SERPINB13: variants seen among roughly 807,000 people sequenced by gnomAD.
The protein encoded by SERPINB13 is serpin family B member 13.
Under a neutral mutation model 31.2 loss-of-function variants are expected in SERPINB13, and 26 were observed. The observed-to-expected ratio is 0.83, with a 90% confidence interval of 0.61 to 1.15. The LOEUF is 1.15. Among genes scored for constraint, SERPINB13 ranks in the 50% most tolerant of loss-of-function variants. The pLI, the probability that SERPINB13 is intolerant of heterozygous loss-of-function variation, is 0.00. For missense variants in SERPINB13, 510 were observed against 469.4 expected, an observed-to-expected ratio of 1.09 and a Z score of -0.80; for synonymous variants, 191 against 172.4, an observed-to-expected ratio of 1.11 and a Z score of -0.85.
intron 3 of SERPINB13, among the ~76,000 whole-genome samples, chr18:63,590,354 C>T (rs556652251): frequency 2.6e-5 from 4 of 152,154 alleles, no homozygotes; most frequent in African/African-American, 4.8e-5. Flanking sequence ...TAGGATCAGA[C>T]GTTAGCACTC....
At position 63,589,723 on chromosome 18, in the gene SERPINB13, T is replaced by C; in HGVS notation, c.225+8T>C. 1 of 1,613,546 alleles carries C rather than the reference T, an allele frequency of 6.2e-7. No homozygotes were observed. Among genetic ancestry groups the C allele is most frequent in the Non-Finnish European group, 8.5e-7 (1 of 1,179,572 alleles). On this transcript the variant is annotated splice_region_variant and intron_variant, in intron 3 of 7. Transcript: ENST00000344731. The stretch of plus-strand genomic sequence containing the variant: ...GCTGAAGAAAAAGAGGTGGTAAGAA[T>C]AAAGGCTGAAGGAAAAGAGGTGGGG...
At chr18:63,596,382 T>C (rs1009064165) in intron 7 of SERPINB13, among the ~76,000 whole-genome samples, 20 of 152,330 alleles carry the variant, frequency 1.3e-4, no homozygotes, top group Middle Eastern at 3.4e-3. Flanking sequence ...AATCAGTTAT[T>C]TCGGTATTAA....
chr18:63,595,491 C>A (rs1023121873), intron 7 of SERPINB13, among the ~76,000 whole-genome samples: 1 of 152,208 alleles, frequency 6.6e-6, no homozygotes, highest in Admixed American at 6.5e-5. Context: ...AAAGAAATCA[C>A]ATATGCATAT....
chr18:63,589,496 A>G (rs978447337), intron 2 of SERPINB13, among the ~76,000 whole-genome samples, 160 bp from the exon 3 acceptor site: 3 of 142,224 alleles, frequency 2.1e-5, no homozygotes, highest in African/African-American at 8.7e-5. Context: ...CACACGAAAA[A>G]TCAGAGGTAA....
At position 63,589,995 on chromosome 18, in the gene SERPINB13, TA is replaced by T. The variant is rs1000999920; in HGVS notation, c.225+281del. The T allele has an allele frequency of 2.6e-5, 11 of 421,406 alleles. 1 individual carries two copies. The highest frequency in any genetic ancestry group is 4.1e-5 in the African/African-American group (2 of 49,054). 26.1% of individuals were successfully genotyped at this position (421,406 alleles called of 1,614,324 possible). On this transcript the variant is annotated intron_variant, in intron 3 of 7. Transcript: ENST00000344731. ...AGGCTAATAGACAGAAAAGTTCCCATAGCAGAGTGGATGGGTTTTGGAGTTA... is the reference window on the plus strand; with the variant it reads ...AGGCTAATAGACAGAAAAGTTCCCATGCAGAGTGGATGGGTTTTGGAGTTA...
At chr18:63,589,171 G>T (rs893161840) in intron 2 of SERPINB13, among the ~76,000 whole-genome samples, 1 of 152,106 alleles carries the variant, frequency 6.6e-6, no homozygotes, top group Non-Finnish European at 1.5e-5. Flanking sequence ...GCCAATACGA[G>T]TTCCTTAGAA....
chr18:63,591,996 T>G (rs1017546775), intron 3 of SERPINB13, among the ~76,000 whole-genome samples: 1 of 152,160 alleles, frequency 6.6e-6, no homozygotes, highest in Non-Finnish European at 1.5e-5. Context: ...AGAAATCACT[T>G]ACTTTCCTTA....
intron 7 of SERPINB13, among the ~76,000 whole-genome samples, chr18:63,595,599 GTTAAAAA>G (rs1912116477): frequency 6.6e-6 from 1 of 152,082 alleles, no homozygotes; most frequent in Non-Finnish European, 1.5e-5. Flanking sequence ...CCATTCTGTG[GTTAAAAA>G]AATTATGTGA....
intron 4 of SERPINB13, 100 bp from the exon 5 acceptor site, chr18:63,592,754 A>G (rs1456081152): frequency 3.7e-6 from 3 of 820,770 alleles, no homozygotes; most frequent in Non-Finnish European, 5.9e-6. Context: ...CTCTTACTGT[A>G]TTAGTCATCC....
rs1423992910 is a variant in SERPINB13 at position 63,594,465 on chromosome 18, A to T, written c.583A>T (p.Asn195Tyr). 1 of 1,614,120 alleles carries T rather than the reference A, an allele frequency of 6.2e-7. No individual in the cohort carries two copies. Among genetic ancestry groups the T allele is most frequent in the Non-Finnish European group, 8.5e-7 (1 of 1,179,992 alleles). The stretch of plus-strand genomic sequence containing the variant: ...ATGGGACAGGGAGTTTAAGAAAGAA[A>T]ATACTAAGGAAGAGAAATTTTGGAT... ...GQWDREFKKE[N>Y]TKEEKFWMNK... Residue 195 changes from asparagine (N) to tyrosine (Y), a missense_variant, in exon 6 of 8, where the codon AAT becomes TAT. By Grantham distance (143) the Asn-to-Tyr change is moderately radical. Transcript: ENST00000344731.
chr18:63,588,410 C>T (rs754120589), intron 1 of SERPINB13, among the ~76,000 whole-genome samples: 1 of 152,038 alleles, frequency 6.6e-6, no homozygotes, highest in Non-Finnish European at 1.5e-5. Context: ...AACCCTGCTC[C>T]GCGGGGAAAT....
chr18:63,597,310 A>G lies in SERPINB13; in HGVS notation c.1123A>G (p.Arg375Gly), dbSNP rs1568150106. Reference protein sequence around the residue: ...HCNHPFLFFIRHNESNSILFF... With the variant: ...HCNHPFLFFIGHNESNSILFF... Reference sequence around the variant, plus strand: ...CAATCATCCCTTCCTGTTCTTCATCAGGCACAATGAATCCAACAGCATCCT... The same window carrying G: ...CAATCATCCCTTCCTGTTCTTCATCGGGCACAATGAATCCAACAGCATCCT... The change falls in exon 8 of 8, where the codon AGG (arginine) becomes GGG (glycine). Residue 375 changes from arginine to glycine, a missense_variant. Coordinates refer to ENST00000344731, the MANE Select transcript of SERPINB13 (RefSeq NM_012397.4). 6.2e-7 allele frequency: 1 copy of G among 1,614,118 alleles called. No individual in the cohort carries two copies. The highest frequency in any genetic ancestry group is 8.5e-7 in the Non-Finnish European group (1 of 1,180,028).
intron 6 of SERPINB13, 137 bp downstream of exon 6, chr18:63,594,634 A>C: frequency 1.1e-6 from 1 of 874,518 alleles, no homozygotes; most frequent in Non-Finnish European, 1.7e-6. Flanking sequence ...AGATCAAGGG[A>C]TCGAGACTAT....
chr18:63,596,423 C>T (rs1010766547), intron 7 of SERPINB13, among the ~76,000 whole-genome samples: 6 of 152,076 alleles, frequency 3.9e-5, no homozygotes, highest in South Asian at 2.1e-4. Context: ...TGAAATTCAT[C>T]GTAATTATTA....
rs928875170 is a variant in SERPINB13 at position 63,588,934 on chromosome 18, A to C, written c.165+102A>C. 5.3e-5 allele frequency: 65 copies of C among 1,221,398 alleles called. No homozygotes were observed. The South Asian group carries it at 8.4e-4, about 16-fold the overall frequency. The allele number at this position is 1,221,398 out of a possible 1,614,324, so 75.7% of individuals were successfully genotyped here. A position where few individuals can be genotyped will look rare whatever the true frequency, so the allele number is the denominator to read the frequency against. On this transcript the variant is annotated intron_variant, in intron 2 of 7. Transcript: ENST00000344731. ...TTATCTTAAAAATACGCTCTTCTTG[A>C]CCTGTGGACCAGGAAACAGAGACTT... is the stretch of plus-strand genomic sequence containing the variant.
At position 63,597,174 on chromosome 18, in the gene SERPINB13, G is replaced by T; in HGVS notation, c.987G>T (p.Lys329Asn). The part of the protein sequence containing the change: ...MSSGSGLYAQ[K>N]FLHSSFVAVT... ...CAGGCTCCGGGTTGTACGCCCAGAA[G>T]TTCCTGCACAGTTCCTTTGTGGCAG... The change falls in exon 8 of 8, where the codon AAG becomes AAT. Residue 329 changes from lysine (K) to asparagine (N), a missense_variant. Transcript: ENST00000344731. 6.2e-7 allele frequency: 1 copy of T among 1,614,202 alleles called. No individual in the cohort carries two copies. Among genetic ancestry groups the T allele is most frequent in the Non-Finnish European group, 8.5e-7 (1 of 1,180,044 alleles).
chr18:63,596,607 C>A (rs1187311934), intron 7 of SERPINB13, among the ~76,000 whole-genome samples: 2 of 151,954 alleles, frequency 1.3e-5, no homozygotes, highest in Non-Finnish European at 2.9e-5. Flanking sequence ...TACTTTTTAT[C>A]AAATAAAATG....
intron 3 of SERPINB13, among the ~76,000 whole-genome samples, chr18:63,590,375 C>T (rs1478716208): frequency 6.6e-6 from 1 of 152,126 alleles, no homozygotes; most frequent in Non-Finnish European, 1.5e-5. Flanking sequence ...TCAGGAAGGG[C>T]ACAGCTGCTC....
Position 63,598,396 on chromosome 18 carries a change from C to T in SERPINB13, c.*1033C>T, listed in dbSNP as rs1912312592. ...CCACAATCCAGTTTTAGAATATTTC[C>T]ATGACCCTAAGAAGTTTCCTCATGT... On this transcript the variant is annotated 3_prime_UTR_variant, in exon 8 of 8. Coordinates refer to ENST00000344731, the MANE Select transcript of SERPINB13 (RefSeq NM_012397.4). The T allele has an allele frequency of 6.6e-6, 1 of 152,026 alleles. No individual in the cohort carries two copies. Among genetic ancestry groups the T allele is most frequent in the African/African-American group, 2.4e-5 (1 of 41,408 alleles). 9.4% of individuals were successfully genotyped at this position (152,026 alleles called of 1,614,324 possible). A position where few individuals can be genotyped will look rare whatever the true frequency, so the allele number is the denominator to read the frequency against.
Sources: gnomAD v4.1 joint callset for allele counts (sites outside exome capture counted in the v4.1 genomes callset) on GRCh38, gnomAD v4.1.1 for gene constraint, MANE v1.5 for transcripts, NCBI Gene and HGNC (gene_info 2026-07-23, HGNC 2026-07-21) for gene names.